Variants in SMCHD1 observed in about 807,000 individuals in gnomAD.
The protein encoded by SMCHD1 is structural maintenance of chromosomes flexible hinge domain containing 1, also known as structural maintenance of chromosomes flexible hinge domain-containing protein 1.
SMCHD1 carries 78 observed loss-of-function variants against 254.7 expected under a neutral mutation model. The observed-to-expected ratio is 0.31, with a 90% confidence interval of 0.26 to 0.37. SMCHD1 has a LOEUF of 0.37. SMCHD1 is among the 10% of genes least tolerant of loss of function. SMCHD1 has a pLI of 1.00. For synonymous variants in SMCHD1, 766 were observed against 794.9 expected (o/e 0.96, Z 0.61); for missense variants, 1,840 against 2,408.1 (o/e 0.76, Z 4.94).
chr18:2,656,192 G>A lies in SMCHD1; in HGVS notation c.117G>A (p.Glu39=), dbSNP rs1400025561. ...YLFDRREKES[E]LGDRPLQVGE... is the part of the protein sequence containing the mutation. The stretch of plus-strand genomic sequence containing the variant: ...TTGATCGGCGCGAAAAGGAGTCCGA[G>A]CTCGGGGACCGGCCTCTGCAGGTCG... The change falls in exon 1 of 48, where the codon GAG becomes GAA. Residue 39 remains glutamate, a synonymous_variant. Transcript: ENST00000320876. The A allele has an allele frequency of 3.3e-6, 5 of 1,506,198 alleles. No individual in the cohort carries two copies. The East Asian group carries it at 8.1e-5, about 25-fold the overall frequency. 93.3% of individuals were successfully genotyped at this position (1,506,198 alleles called of 1,614,324 possible). A position where few individuals can be genotyped will look rare whatever the true frequency, so the allele number is the denominator to read the frequency against.
intron 5 of SMCHD1, among the ~76,000 whole-genome samples, chr18:2,679,514 A>C (rs1432901481): frequency 7.1e-6 from 1 of 140,324 alleles, no homozygotes; most frequent in Non-Finnish European, 1.6e-5. Flanking sequence ...CTCTTGGTTG[A>C]CAGTCTTTTG....
At chr18:2,739,929 CTT>C (rs35312180) in intron 27 of SMCHD1, among the ~76,000 whole-genome samples, 39 of 144,220 alleles carry the variant, frequency 2.7e-4, no homozygotes, top group South Asian at 6.5e-4. Context: ...TAAAAAAATT[CTT>C]TTTTTTTTTT....
intron 17 of SMCHD1, among the ~76,000 whole-genome samples, chr18:2,713,119 G>GT (rs1185370247): frequency 2.0e-5 from 3 of 152,184 alleles, no homozygotes; most frequent in Non-Finnish European, 2.9e-5. Flanking sequence ...TTATGATTAC[G>GT]TAAGTCTGTT....
At position 2,667,040 on chromosome 18, in the gene SMCHD1, C is replaced by T; in HGVS notation, c.424+9C>T. The T allele has an allele frequency of 6.5e-7, 1 of 1,547,222 alleles. No homozygotes were observed. Among genetic ancestry groups the T allele is most frequent in the East Asian group, 2.4e-5 (1 of 42,246 alleles). ...AGGACAAAATCCTTTGCGTAAGTAT[C>T]CCATTCATACTAATTTTGATAAATT... On this transcript the variant is annotated intron_variant, in intron 3 of 47. Coordinates refer to ENST00000320876, the MANE Select transcript of SMCHD1 (RefSeq NM_015295.3).
At chr18:2,714,852 C>T (rs2074761892) in intron 17 of SMCHD1, among the ~76,000 whole-genome samples, 1 of 152,026 alleles carries the variant, frequency 6.6e-6, no homozygotes, top group African/African-American at 2.4e-5. Context: ...GTCCCCCCTG[C>T]CCCCTACCCC....
In SMCHD1 at chr18:2,725,270, A is replaced by G. The variant is rs673364; in HGVS notation, c.2700+275A>G. Among the ~76,000 whole-genome samples the G allele has an allele frequency of 0.24, 36,051 of 148,686 alleles. 4,353 individuals carry two copies. The highest frequency in any genetic ancestry group is 0.34 in the South Asian group (1,601 of 4,746). On this transcript the variant is annotated intron_variant, in intron 21 of 47. Coordinates refer to ENST00000320876, the MANE Select transcript of SMCHD1 (RefSeq NM_015295.3). ...CTTCAGTTTTTTCACATTCAAAGCC[A>G]TTTTTTCGACATAGTTATCTAGGAC...
chr18:2,802,646 T>C lies in SMCHD1; in HGVS notation c.*94T>C. ...AGACCAAGAGGGTGACTTACCAGAC[T>C]GAGTATTTCTGGGGACAATACAAGT... On this transcript the variant is annotated 3_prime_UTR_variant, in exon 48 of 48. Transcript: ENST00000320876. The C allele has an allele frequency of 8.4e-7, 1 of 1,190,600 alleles. No individual in the cohort carries two copies. The highest frequency in any genetic ancestry group is 1.2e-6 in the Non-Finnish European group (1 of 853,004). 73.8% of individuals were successfully genotyped at this position (1,190,600 alleles called of 1,614,324 possible).
chr18:2,749,709 C>T (rs1363145480), intron 30 of SMCHD1, among the ~76,000 whole-genome samples: 2 of 152,186 alleles, frequency 1.3e-5, no homozygotes, highest in Non-Finnish European at 2.9e-5. Flanking sequence ...CCTGCCCCAG[C>T]TTTAGAATAT....
intron 17 of SMCHD1, among the ~76,000 whole-genome samples, chr18:2,711,187 A>T (rs956980345): frequency 1.3e-5 from 2 of 151,322 alleles, no homozygotes; most frequent in African/African-American, 4.9e-5. Context: ...TTTTAAAAAT[A>T]TTGACGAGGT....
intron 15 of SMCHD1, among the ~76,000 whole-genome samples, chr18:2,706,956 C>T (rs747282284): frequency 6.6e-6 from 1 of 151,932 alleles, no homozygotes; most frequent in African/African-American, 2.4e-5. Flanking sequence ...CTTACATGGG[C>T]GGCAGAAGAG....
At chr18:2,670,048 T>A (rs2073553160) in intron 3 of SMCHD1, among the ~76,000 whole-genome samples, 1 of 152,224 alleles carries the variant, frequency 6.6e-6, no homozygotes, top group South Asian at 2.1e-4. Flanking sequence ...TAGTTACTGG[T>A]ACCTGTCTTT....
At position 2,740,682 on chromosome 18, in the gene SMCHD1, T is replaced by C. The variant is rs1174071536; in HGVS notation, c.3515-21T>C. On this transcript the variant is annotated intron_variant, in intron 27 of 47. Coordinates refer to ENST00000320876, the MANE Select transcript of SMCHD1 (RefSeq NM_015295.3). ...CTTCTATTAAAAGATAATACTAAAA[T>C]AAAACTTCCCCCTTTTTTAGTTATA... is the stretch of plus-strand genomic sequence containing the variant. 3 of 1,350,044 alleles carry C rather than the reference T, an allele frequency of 2.2e-6. No homozygotes were observed. In the East Asian group the frequency reaches 7.0e-5, roughly 32 times the overall value. The allele number at this position is 1,350,044 out of a possible 1,614,324, so 83.6% of individuals were successfully genotyped here. A position where few individuals can be genotyped will look rare whatever the true frequency, so the allele number is the denominator to read the frequency against.
intron 37 of SMCHD1, among the ~76,000 whole-genome samples, chr18:2,767,963 A>G (rs912464775): frequency 6.6e-6 from 1 of 152,158 alleles, no homozygotes; most frequent in African/African-American, 2.4e-5. Context: ...TAATTTTAAC[A>G]TAATAGTATC....
intron 7 of SMCHD1, among the ~76,000 whole-genome samples, chr18:2,689,852 T>TAAA (rs1167921048): frequency 6.1e-4 from 44 of 72,380 alleles, no homozygotes; most frequent in Admixed American, 1.0e-3. Context: ...TTGTCTCTAC[T>TAAA]AAAAAAAAAA....
At position 2,725,727 on chromosome 18, in the gene SMCHD1, G is replaced by A. The variant is rs1054134966; in HGVS notation, c.2701-725G>A. Among the ~76,000 whole-genome samples, 14 of 151,598 alleles carry A rather than the reference G, an allele frequency of 9.2e-5. No homozygotes were observed. In the East Asian group the frequency reaches 2.3e-3, roughly 25 times the overall value. On this transcript the variant is annotated intron_variant, in intron 21 of 47. Coordinates refer to ENST00000320876, the MANE Select transcript of SMCHD1 (RefSeq NM_015295.3). Reference sequence around the variant, plus strand: ...TTTGTATAATCAAGTCAAAAATTGAGTTCTTGATTCTTTCTGAATTCAGAT... The same window carrying A: ...TTTGTATAATCAAGTCAAAAATTGAATTCTTGATTCTTTCTGAATTCAGAT...
chr18:2,727,293 C>G (rs1459945428), intron 22 of SMCHD1: 3 of 152,112 alleles, frequency 2.0e-5, no homozygotes, highest in Non-Finnish European at 2.9e-5. Flanking sequence ...ACAACCATAT[C>G]TGTGTGCATA....
intron 28 of SMCHD1, among the ~76,000 whole-genome samples, chr18:2,741,657 G>A (rs547219801): frequency 7.2e-5 from 11 of 152,072 alleles, no homozygotes; most frequent in Non-Finnish European, 1.6e-4. Flanking sequence ...TATGCTCTTT[G>A]ACTTTTAGTT....
intron 7 of SMCHD1, 108 bp from the exon 8 acceptor site, chr18:2,694,419 C>T: frequency 1.0e-6 from 1 of 967,652 alleles, no homozygotes; most frequent in Non-Finnish European, 1.5e-6. Context: ...TTTTCTGAAA[C>T]CTATTTGTGA....
chr18:2,673,646 C>CT (rs1220987115), intron 4 of SMCHD1, among the ~76,000 whole-genome samples: 1 of 152,044 alleles, frequency 6.6e-6, no homozygotes, highest in African/African-American at 2.4e-5. Flanking sequence ...GTTGCAGTGA[C>CT]TTATTGGCTA....
Sources: allele counts gnomAD v4.1 joint callset (sites outside exome capture counted in the v4.1 genomes callset), GRCh38; gene constraint gnomAD v4.1.1; transcripts MANE v1.5; gene names NCBI Gene and HGNC (gene_info 2026-07-23, HGNC 2026-07-21).